Variants in TMEM204 observed in about 807,000 individuals in gnomAD.
TMEM204 encodes claudin-like protein 24.
In TMEM204, 15 loss-of-function variants were observed where a neutral mutation model predicts 19.4. The ratio of observed to expected loss-of-function variants is 0.77; its 90% CI spans 0.52 to 1.19. The LOEUF (loss-of-function observed/expected upper bound fraction) is 1.19, where lower values mean the gene tolerates loss of function less well. TMEM204 is among the 50% of genes most tolerant of loss of function. The pLI, the probability that TMEM204 is intolerant of heterozygous loss-of-function variation, is 0.00. For synonymous variants in TMEM204, 161 were observed against 146.0 expected (o/e 1.10, Z -0.74); for missense variants, 287 against 321.2 (o/e 0.89, Z 0.81).
intron 1 of TMEM204, among the ~76,000 whole-genome samples, 162 bp downstream of exon 1, chr16:1,534,717 G>T (rs1292346929): frequency 6.6e-6 from 1 of 152,198 alleles, no homozygotes; most frequent in Non-Finnish European, 1.5e-5. Flanking sequence ...GTCTCCCAGG[G>T]AACCAGGCCC....
intron 1 of TMEM204, among the ~76,000 whole-genome samples, chr16:1,538,297 C>A (rs933370088): frequency 1.3e-5 from 2 of 152,186 alleles, no homozygotes; most frequent in African/African-American, 2.4e-5. Flanking sequence ...TGGCACAGGG[C>A]TGTGTGCCTG....
intron 1 of TMEM204, 36 bp from the exon 2 acceptor site, chr16:1,541,885 T>C (rs1162971651): frequency 1.3e-6 from 2 of 1,551,762 alleles, no homozygotes; most frequent in Admixed American, 1.8e-5. Context: ...GGAGCCCACC[T>C]GCACTCACCA....
intron 2 of TMEM204, among the ~76,000 whole-genome samples, chr16:1,544,671 T>G (rs192068259): frequency 6.6e-5 from 10 of 151,768 alleles, no homozygotes; most frequent in Admixed American, 5.9e-4. Context: ...TTTTTTGAGA[T>G]GGAGTCTCGC....
chr16:1,535,573 G>A (rs942845002), intron 1 of TMEM204, among the ~76,000 whole-genome samples: 6 of 152,170 alleles, frequency 3.9e-5, no homozygotes, highest in African/African-American at 1.4e-4. Flanking sequence ...CGGAGTACTG[G>A]GGTAACACAC....
At chr16:1,539,680 G>A (rs912294357) in intron 1 of TMEM204, among the ~76,000 whole-genome samples, 2 of 152,236 alleles carry the variant, frequency 1.3e-5, no homozygotes, top group African/African-American at 2.4e-5. Context: ...TGGCAGTGAC[G>A]CTCACTGGGG....
chr16:1,542,201 A>T, intron 2 of TMEM204, 125 bp downstream of exon 2: 2 of 1,095,064 alleles, frequency 1.8e-6, no homozygotes, highest in African/African-American at 1.6e-5. Flanking sequence ...CAACATGGCC[A>T]CAGGCCACTG....
intron 1 of TMEM204, chr16:1,541,662 T>C: frequency 3.2e-6 from 1 of 315,406 alleles, no homozygotes; most frequent in Non-Finnish European, 4.6e-6. Context: ...GTAGGGCCCG[T>C]CCCTGCAGGG....
chr16:1,530,383 G>T (rs965931902), upstream of TMEM204, among the ~76,000 whole-genome samples: 1 of 151,830 alleles, frequency 6.6e-6, no homozygotes, highest in African/African-American at 2.4e-5. Flanking sequence ...TGCTCGCCTC[G>T]GTCTCCCAAA....
At chr16:1,548,908 A>C (rs767420848) in intron 2 of TMEM204, among the ~76,000 whole-genome samples, 12 of 152,238 alleles carry the variant, frequency 7.9e-5, no homozygotes, top group Non-Finnish European at 1.0e-4. Context: ...TACTGCTGAC[A>C]GGTGGAACAC....
intron 1 of TMEM204, among the ~76,000 whole-genome samples, chr16:1,537,985 C>A (rs1207190310): frequency 2.0e-5 from 3 of 152,270 alleles, no homozygotes; most frequent in Non-Finnish European, 4.4e-5. Flanking sequence ...CACGTTCTCA[C>A]CGACACCTTT....
At chr16:1,535,485 G>C (rs937977062) in intron 1 of TMEM204, among the ~76,000 whole-genome samples, 1 of 152,206 alleles carries the variant, frequency 6.6e-6, no homozygotes, top group African/African-American at 2.4e-5. Context: ...ACAGACTCGG[G>C]GTTGGACGCT....
At position 1,551,928 on chromosome 16, in the gene TMEM204, C is replaced by T. The variant is rs1189202613; in HGVS notation, c.437-2854C>T. On this transcript the variant is annotated intron_variant, in intron 2 of 2. Coordinates refer to ENST00000566264, the MANE Select transcript of TMEM204 (RefSeq NM_024600.6). This position sits in a 1 kb window ranked among gnomAD's most constrained non-coding sequence, Gnocchi z 4.0. ...CTCCCGGGTGTGTCCCTGGTGATGT[C>T]CCCGGGGCCTCTCCCTGGTGACGTG... Among the ~76,000 whole-genome samples the T allele has an allele frequency of 6.6e-6, 1 of 152,126 alleles. No individual in the cohort carries two copies. Among genetic ancestry groups the T allele is most frequent in the Non-Finnish European group, 1.5e-5 (1 of 68,020 alleles).
intron 1 of TMEM204, among the ~76,000 whole-genome samples, chr16:1,535,047 T>TA (rs962428330): frequency 1.6e-4 from 23 of 148,384 alleles, no homozygotes; most frequent in South Asian, 4.3e-4. Flanking sequence ...TCTCTGAACA[T>TA]AAAAAAAAAA....
chr16:1,548,730 G>A (rs1051045749), intron 2 of TMEM204, among the ~76,000 whole-genome samples: 1 of 152,214 alleles, frequency 6.6e-6, no homozygotes, highest in African/African-American at 2.4e-5. Flanking sequence ...ACGTAGGGAA[G>A]GTGGGAAGGA....
chr16:1,536,474 A>G (rs925762463), intron 1 of TMEM204, among the ~76,000 whole-genome samples: 8 of 152,166 alleles, frequency 5.3e-5, no homozygotes, highest in African/African-American at 1.2e-4. Flanking sequence ...TGCAACTTGT[A>G]TGGCATCTGC....
chr16:1,553,700 C>A lies in TMEM204; in HGVS notation c.437-1082C>A. 9.3e-7 allele frequency: 1 copy of A among 1,077,546 alleles called. No individual in the cohort carries two copies. The highest frequency in any genetic ancestry group is 1.1e-6 in the Non-Finnish European group (1 of 881,376). The allele number at this position is 1,077,546 out of a possible 1,614,324, so 66.7% of individuals were successfully genotyped here. ...TGGGGCTGAAGGCTGGCTGGAGGCC[C>A]CATGGCCTCCAGGACAATCTGTGGC... On this transcript the variant is annotated intron_variant, in intron 2 of 2. Transcript: ENST00000566264. The surrounding 1 kb of genome is among the most constrained non-coding windows in gnomAD (Gnocchi z 4.4).
At position 1,547,934 on chromosome 16, in the gene TMEM204, C is replaced by T. The variant is rs575150232; in HGVS notation, c.436+5858C>T. 6.6e-5 allele frequency among the ~76,000 whole-genome samples: 10 copies of T among 152,322 alleles called. No individual in the cohort carries two copies. The East Asian group carries it at 1.7e-3, about 26-fold the overall frequency. On this transcript the variant is annotated intron_variant, in intron 2 of 2. Coordinates refer to ENST00000566264, the MANE Select transcript of TMEM204 (RefSeq NM_024600.6). ...TCAAGTGATCCTCCCGCTTCAGCCT[C>T]TCAAAGTGCTAGGATGAAGGTGTGG...
At chr16:1,552,674 A>T (rs1210333305) in intron 2 of TMEM204, among the ~76,000 whole-genome samples, 1 of 123,102 alleles carries the variant, frequency 8.1e-6, no homozygotes, top group Non-Finnish European at 1.6e-5. Context: ...TTTGAAATGG[A>T]GTCTCGCTCT....
chr16:1,548,870 C>G (rs1473686498), intron 2 of TMEM204, among the ~76,000 whole-genome samples: 1 of 152,246 alleles, frequency 6.6e-6, no homozygotes, highest in African/African-American at 2.4e-5. Context: ...ACAGGCGCCT[C>G]TGCATTTCCG....
Sources: allele counts gnomAD v4.1 joint callset (sites outside exome capture counted in the v4.1 genomes callset), GRCh38; gene constraint gnomAD v4.1.1; non-coding constraint Gnocchi (gnomAD v3.1); transcripts MANE v1.5; gene names NCBI Gene and HGNC (gene_info 2026-07-23, HGNC 2026-07-21).